The following KCTD8 variants were observed in gnomAD, a reference collection of about 807,000 sequenced individuals.
The protein encoded by KCTD8 is BTB/POZ domain-containing protein KCTD8.
Under a neutral mutation model 31.5 loss-of-function variants are expected in KCTD8, and 27 were observed. That is an observed-to-expected ratio of 0.86 (90% CI 0.63 to 1.18). The LOEUF is 1.18. Ranked by LOEUF, KCTD8 falls within the 50% of genes most tolerant of loss-of-function variation. The probability of loss-of-function intolerance (pLI) is 0.00; values close to 1 mark genes in which losing one functional copy is unlikely to be tolerated. For synonymous variants in KCTD8, 290 were observed against 280.0 expected (o/e 1.04, Z -0.36); for missense variants, 658 against 647.7 (o/e 1.02, Z -0.17).
At chr4:44,301,355 T>A (rs1365055280) in intron 1 of KCTD8, among the ~76,000 whole-genome samples, 1 of 152,136 alleles carries the variant, frequency 6.6e-6, no homozygotes, top group Non-Finnish European at 1.5e-5. Context: ...TGTTCCTAGT[T>A]CTCCACATCC....
At chr4:44,431,554 G>T (rs895969148) in intron 1 of KCTD8, among the ~76,000 whole-genome samples, 1 of 151,356 alleles carries the variant, frequency 6.6e-6, no homozygotes, top group African/African-American at 2.4e-5. Flanking sequence ...GCAATGCTGA[G>T]CTTCATAAAA....
chr4:44,317,155 G>A (rs1718151990), intron 1 of KCTD8, among the ~76,000 whole-genome samples: 1 of 148,994 alleles, frequency 6.7e-6, no homozygotes, highest in African/African-American at 2.5e-5. Context: ...TCCAGCAGGA[G>A]TTAATATATC....
chr4:44,391,509 T>C (rs534845160), intron 1 of KCTD8, among the ~76,000 whole-genome samples: 3 of 151,984 alleles, frequency 2.0e-5, no homozygotes, highest in East Asian at 3.9e-4. Context: ...TTTCACTTAA[T>C]AGTCAATATT....
At chr4:44,266,688 G>A (rs1311664193) in intron 1 of KCTD8, among the ~76,000 whole-genome samples, 2 of 151,536 alleles carry the variant, frequency 1.3e-5, no homozygotes, top group African/African-American at 4.9e-5. Flanking sequence ...AAAATAAAAG[G>A]ATGGAGGAAG....
At chr4:44,182,231 C>T (rs922115850) in intron 1 of KCTD8, among the ~76,000 whole-genome samples, 7 of 151,688 alleles carry the variant, frequency 4.6e-5, no homozygotes, top group Middle Eastern at 3.2e-3. Flanking sequence ...TCTGCCCGGC[C>T]GCCCCTTCTG....
chr4:44,343,073 G>T lies in KCTD8; in HGVS notation c.961+104490C>A, dbSNP rs369237994. ...GAGTTGCACTTTTACTTTCCTTCAA[G>T]AATTTTGCTTTTCCACTCACAAATT... On this transcript the variant is annotated intron_variant, in intron 1 of 1. Coordinates refer to ENST00000360029, the MANE Select transcript of KCTD8 (RefSeq NM_198353.3). 2.8e-4 allele frequency among the ~76,000 whole-genome samples: 43 copies of T among 152,250 alleles called. No homozygotes were observed. In the South Asian group the frequency reaches 8.7e-3, roughly 31 times the overall value.
At chr4:44,403,496 T>C (rs1184581917) in intron 1 of KCTD8, among the ~76,000 whole-genome samples, 1 of 151,770 alleles carries the variant, frequency 6.6e-6, no homozygotes, top group Admixed American at 6.6e-5. Context: ...TTTTGGAAGC[T>C]AGAAGTCCAA....
chr4:44,183,435 A>T (rs1476266186), intron 1 of KCTD8, among the ~76,000 whole-genome samples: 1 of 111,056 alleles, frequency 9.0e-6, no homozygotes, highest in Admixed American at 8.3e-5. Context: ...AGTAAAAAAC[A>T]TTATATTAAG....
chr4:44,242,608 CAAAA>C (rs544763524), intron 1 of KCTD8, among the ~76,000 whole-genome samples: 1 of 146,500 alleles, frequency 6.8e-6, no homozygotes, highest in Admixed American at 6.8e-5. Flanking sequence ...ACAAACAAAA[CAAAA>C]AAAAAACTTG....
intron 1 of KCTD8, among the ~76,000 whole-genome samples, chr4:44,248,939 G>A (rs1431770428): frequency 6.6e-6 from 1 of 151,574 alleles, no homozygotes; most frequent in Non-Finnish European, 1.5e-5. Context: ...TTGCATTCAG[G>A]GTCTAATTAG....
intron 1 of KCTD8, among the ~76,000 whole-genome samples, chr4:44,229,107 T>C (rs926636327): frequency 2.0e-5 from 3 of 152,162 alleles, no homozygotes; most frequent in Admixed American, 6.5e-5. Flanking sequence ...ACCTAAGGCA[T>C]TGGATTATTA....
At chr4:44,177,912 T>C (rs1209920795) in intron 1 of KCTD8, among the ~76,000 whole-genome samples, 1 of 152,218 alleles carries the variant, frequency 6.6e-6, no homozygotes, top group Non-Finnish European at 1.5e-5. Context: ...TCTCTCTTCC[T>C]GGGTTTCTGA....
At chr4:44,425,129 C>T (rs1208471178) in intron 1 of KCTD8, among the ~76,000 whole-genome samples, 1 of 151,974 alleles carries the variant, frequency 6.6e-6, no homozygotes, top group Non-Finnish European at 1.5e-5. Flanking sequence ...GAATTCTAGC[C>T]TCCAAAATTG....
chr4:44,364,171 G>A (rs1180121514), intron 1 of KCTD8, among the ~76,000 whole-genome samples: 1 of 152,010 alleles, frequency 6.6e-6, no homozygotes, highest in Non-Finnish European at 1.5e-5. Context: ...GAATATGTTT[G>A]CAAAACACAT....
At chr4:44,267,190 T>C (rs576480815) in intron 1 of KCTD8, among the ~76,000 whole-genome samples, 5,928 of 151,876 alleles carry the variant, frequency 0.039, 394 homozygotes, top group African/African-American at 0.14. Flanking sequence ...TTATAACAAA[T>C]TGTCTCTCAG....
intron 1 of KCTD8, among the ~76,000 whole-genome samples, chr4:44,439,946 G>T (rs149210501): frequency 2.5e-5 from 3 of 119,044 alleles, no homozygotes; most frequent in Non-Finnish European, 5.8e-5. Flanking sequence ...ATTTATTTAT[G>T]TTTTTGACAG....
chr4:44,331,910 A>T (rs997255431), intron 1 of KCTD8, among the ~76,000 whole-genome samples: 1 of 151,184 alleles, frequency 6.6e-6, no homozygotes, highest in African/African-American at 2.4e-5. Context: ...AGGGCATGAA[A>T]CCCTACAATA....
intron 1 of KCTD8, among the ~76,000 whole-genome samples, chr4:44,274,794 C>T (rs960435150): frequency 2.0e-5 from 3 of 151,562 alleles, no homozygotes; most frequent in African/African-American, 7.3e-5. Context: ...AAAACATCCT[C>T]AAACCCAGAT....
intron 1 of KCTD8, among the ~76,000 whole-genome samples, chr4:44,283,733 G>A (rs573276049): frequency 8.5e-5 from 13 of 152,056 alleles, no homozygotes; most frequent in South Asian, 4.2e-4. Context: ...AAACTCCATC[G>A]TCTCAGCCCA....
Sources: allele counts gnomAD v4.1 joint callset (sites outside exome capture counted in the v4.1 genomes callset), GRCh38; gene constraint gnomAD v4.1.1; transcripts MANE v1.5; gene names NCBI Gene and HGNC (gene_info 2026-07-23, HGNC 2026-07-21).